PSD3: variants seen among roughly 807,000 people sequenced by gnomAD.
The protein encoded by PSD3 is PH and SEC7 domain-containing protein 3.
In PSD3, 49 loss-of-function variants were observed where a neutral mutation model predicts 105.5. The ratio of observed to expected loss-of-function variants is 0.46; its 90% CI spans 0.37 to 0.59. PSD3 has a LOEUF of 0.59. PSD3 is among the 20% of genes least tolerant of loss of function. PSD3 has a pLI of 0.00. For synonymous variants in PSD3, 557 were observed against 457.8 expected (o/e 1.22, Z -2.77); for missense variants, 1,561 against 1,263.8 (o/e 1.24, Z -3.57).
In PSD3 at chr8:18,913,118, CA is replaced by C. The variant is rs1563413122; in HGVS notation, c.130+22915del. Reference sequence around the variant, plus strand: ...ACACACACACACACACACACACACACACACACTCTCCTTCTCCTATTTCAAT... The same window carrying C: ...ACACACACACACACACACACACACACCACACTCTCCTTCTCCTATTTCAAT... On this transcript the variant is annotated intron_variant, in intron 2 of 15. Transcript: ENST00000327040. Among the ~76,000 whole-genome samples the C allele has an allele frequency of 7.3e-4, 110 of 151,438 alleles. 1 individual carries two copies. In the South Asian group the frequency reaches 0.013, roughly 18 times the overall value.
chr8:18,767,120 T>C (rs968164875), intron 8 of PSD3, among the ~76,000 whole-genome samples: 1 of 152,150 alleles, frequency 6.6e-6, no homozygotes, highest in African/African-American at 2.4e-5. Context: ...TGGAAAATTA[T>C]CTCCCAGCAC....
At chr8:18,890,463 G>A (rs544466708) in intron 2 of PSD3, among the ~76,000 whole-genome samples, 4 of 152,236 alleles carry the variant, frequency 2.6e-5, no homozygotes, top group South Asian at 4.1e-4. Flanking sequence ...AGAGGAGAGA[G>A]GTGAAAAGCC....
chr8:18,654,155 C>G (rs1219037218), intron 10 of PSD3, among the ~76,000 whole-genome samples: 3 of 152,018 alleles, frequency 2.0e-5, no homozygotes, highest in Non-Finnish European at 4.4e-5. Flanking sequence ...TATATATATG[C>G]AAATATTAAA....
chr8:18,819,933 G>C (rs1158819224), intron 4 of PSD3, among the ~76,000 whole-genome samples: 4 of 152,194 alleles, frequency 2.6e-5, no homozygotes, highest in Non-Finnish European at 5.9e-5. Flanking sequence ...GTGGCTGTCA[G>C]ACTTTTATTA....
intron 10 of PSD3, among the ~76,000 whole-genome samples, chr8:18,643,545 T>C (rs1392456698): frequency 6.6e-6 from 1 of 152,118 alleles, no homozygotes; most frequent in East Asian, 1.9e-4. Context: ...CTACTTCAAA[T>C]ACTATGGTGA....
chr8:18,553,380 G>C (rs948215239), intron 15 of PSD3, among the ~76,000 whole-genome samples: 4 of 121,718 alleles, frequency 3.3e-5, no homozygotes, highest in Admixed American at 8.0e-5. Context: ...GGTGAGAACA[G>C]TCACCAGGTT....
At chr8:18,910,048 C>A (rs1033778689) in intron 2 of PSD3, among the ~76,000 whole-genome samples, 3 of 152,108 alleles carry the variant, frequency 2.0e-5, no homozygotes, top group African/African-American at 2.4e-5. Context: ...ACGAAGAGTT[C>A]GCTCCCCTCC....
intron 10 of PSD3, among the ~76,000 whole-genome samples, chr8:18,653,161 A>C (rs1352496507): frequency 6.6e-6 from 1 of 152,178 alleles, no homozygotes; most frequent in Non-Finnish European, 1.5e-5. Flanking sequence ...CCACAGGAGG[A>C]AACACTGAAA....
Position 18,988,001 on chromosome 8 carries a change from C to CA in PSD3, c.21+25561dup, listed in dbSNP as rs147062786. On this transcript the variant is annotated intron_variant, in intron 1 of 15. Transcript: ENST00000327040. ...CACCATGCTAGCAATGGGGCAATAA[C>CA]ACCGAACAAAACAAAGCCCTTAATT... 5.2e-3 allele frequency among the ~76,000 whole-genome samples: 790 copies of CA among 151,174 alleles called. 23 individuals are homozygous for CA. In the East Asian group the frequency reaches 0.085, roughly 16 times the overall value.
intron 2 of PSD3, among the ~76,000 whole-genome samples, chr8:18,911,901 C>T (rs907838149): frequency 6.6e-6 from 1 of 152,166 alleles, no homozygotes; most frequent in Non-Finnish European, 1.5e-5. Flanking sequence ...TCAGCCTACA[C>T]CGTAACTTAA....
chr8:18,780,869 T>C (rs1031507885), intron 8 of PSD3, among the ~76,000 whole-genome samples: 2 of 152,180 alleles, frequency 1.3e-5, no homozygotes, highest in East Asian at 1.9e-4. Context: ...TTTTATACTT[T>C]TATGTGTTTT....
At chr8:18,740,508 T>C (rs1278569749) in intron 9 of PSD3, among the ~76,000 whole-genome samples, 1 of 152,120 alleles carries the variant, frequency 6.6e-6, no homozygotes, top group African/African-American at 2.4e-5. Context: ...ATTATTGCCC[T>C]CTTATTATTG....
At chr8:18,842,403 C>A (rs932085176) in intron 4 of PSD3, among the ~76,000 whole-genome samples, 6 of 152,202 alleles carry the variant, frequency 3.9e-5, no homozygotes, top group African/African-American at 1.4e-4. Context: ...TCTTTGAGAG[C>A]AATCTGGATA....
At chr8:18,702,623 C>CTTTT in intron 9 of PSD3, among the ~76,000 whole-genome samples, 1 of 151,132 alleles carries the variant, frequency 6.6e-6, no homozygotes, top group East Asian at 2.0e-4. Flanking sequence ...TTCTTTCTTT[C>CTTTT]TTTTTTTGAG....
At chr8:19,023,633 C>T (rs897381963) in intron 1 of PSD3, among the ~76,000 whole-genome samples, 17 of 152,014 alleles carry the variant, frequency 1.1e-4, no homozygotes, top group Non-Finnish European at 2.1e-4. Context: ...TAAAGGTTCT[C>T]ACTATGTTGC....
At chr8:19,070,300 T>C (rs182493927) in intron 1 of PSD3, among the ~76,000 whole-genome samples, 1 of 151,570 alleles carries the variant, frequency 6.6e-6, no homozygotes, top group East Asian at 1.9e-4. Flanking sequence ...ATTTGGAGCA[T>C]TCACTTTCAA....
intron 1 of PSD3, 42 bp downstream of exon 1, chr8:19,013,521 C>A (rs1827050934): frequency 6.3e-7 from 1 of 1,577,986 alleles, no homozygotes; most frequent in African/African-American, 1.4e-5. Context: ...ACAGCGGCGC[C>A]GCGTGCGCAC....
At chr8:18,994,532 T>C (rs1260416166) in intron 1 of PSD3, among the ~76,000 whole-genome samples, 1 of 152,088 alleles carries the variant, frequency 6.6e-6, no homozygotes, top group African/African-American at 2.4e-5. Context: ...GACAGTCACA[T>C]GGGGCCATTT....
intron 2 of PSD3, among the ~76,000 whole-genome samples, chr8:18,872,973 C>G (rs1817491396): frequency 6.6e-6 from 1 of 152,154 alleles, no homozygotes; most frequent in Non-Finnish European, 1.5e-5. Context: ...CTAATGACAC[C>G]TGCCATATTT....
Sources: allele counts gnomAD v4.1 joint callset (sites outside exome capture counted in the v4.1 genomes callset), GRCh38; gene constraint gnomAD v4.1.1; transcripts MANE v1.5; gene names NCBI Gene and HGNC (gene_info 2026-07-23, HGNC 2026-07-21).